PDE11A: variants seen among roughly 807,000 people sequenced by gnomAD.
PDE11A encodes dual 3',5'-cyclic-AMP and -GMP phosphodiesterase 11A.
In PDE11A, 100 loss-of-function variants were observed where a neutral mutation model predicts 100.5. That is an observed-to-expected ratio of 1.00 (90% CI 0.85 to 1.18). The LOEUF (loss-of-function observed/expected upper bound fraction) is 1.18. Ranked by LOEUF, PDE11A falls within the 50% of genes most tolerant of loss-of-function variation. The pLI, the probability that PDE11A is intolerant of heterozygous loss-of-function variation, is 0.00. For missense variants in PDE11A, 1,141 were observed against 1,152.6 expected (o/e 0.99, Z 0.15); for synonymous variants, 381 against 420.8 (o/e 0.91, Z 1.16).
At chr2:177,844,120 G>C (rs1027502297) in intron 5 of PDE11A, among the ~76,000 whole-genome samples, 1 of 152,324 alleles carries the variant, frequency 6.6e-6, no homozygotes, top group African/African-American at 2.4e-5. Flanking sequence ...TTACATCACT[G>C]TCTTAGTCCA....
chr2:177,801,929 G>C (rs2082800791), intron 9 of PDE11A, among the ~76,000 whole-genome samples: 1 of 152,004 alleles, frequency 6.6e-6, no homozygotes, highest in Non-Finnish European at 1.5e-5. Context: ...GAATAAGCAA[G>C]CTGCAAATTG....
At chr2:177,945,711 C>T (rs1423885511) in intron 2 of PDE11A, among the ~76,000 whole-genome samples, 1 of 152,134 alleles carries the variant, frequency 6.6e-6, no homozygotes, top group East Asian at 2.0e-4. Flanking sequence ...GGCAGCCACC[C>T]CGTCCGGGAG....
chr2:177,762,921 G>A (rs1370854521), intron 10 of PDE11A, among the ~76,000 whole-genome samples: 2 of 152,146 alleles, frequency 1.3e-5, no homozygotes, highest in Admixed American at 6.5e-5. Context: ...GGGAAGACGA[G>A]CCTGGGCTTG....
At chr2:178,076,837 T>C (rs994688721), upstream of PDE11A, among the ~76,000 whole-genome samples, 2 of 152,236 alleles carry the variant, frequency 1.3e-5, no homozygotes, top group African/African-American at 4.8e-5. Context: ...GCAGCTGGGA[T>C]GTGCTGGATG....
At chr2:178,014,539 A>G in intron 1 of PDE11A, 79 bp from the exon 2 acceptor site, 5 of 1,082,500 alleles carry the variant, frequency 4.6e-6, no homozygotes, top group Non-Finnish European at 2.8e-6. Flanking sequence ...ATTTCTGCAT[A>G]TGATACCTTA....
At chr2:177,809,016 G>C (rs1416504580) in intron 9 of PDE11A, among the ~76,000 whole-genome samples, 2 of 152,158 alleles carry the variant, frequency 1.3e-5, no homozygotes, top group African/African-American at 4.8e-5. Context: ...GTCACAAAAG[G>C]ACAAATATTG....
intron 16 of PDE11A, among the ~76,000 whole-genome samples, chr2:177,678,688 G>C (rs1002804173): frequency 6.6e-6 from 1 of 152,184 alleles, no homozygotes; most frequent in African/African-American, 2.4e-5. Context: ...GGGCAGATGA[G>C]GGGAGAGGGG....
At chr2:177,905,465 C>T (rs967464747) in intron 2 of PDE11A, among the ~76,000 whole-genome samples, 4 of 152,186 alleles carry the variant, frequency 2.6e-5, no homozygotes, top group African/African-American at 9.6e-5. Context: ...GACATAGGAA[C>T]TGTGTCTAAA....
chr2:177,897,383 C>T (rs1235556465), intron 4 of PDE11A, among the ~76,000 whole-genome samples: 3 of 152,174 alleles, frequency 2.0e-5, no homozygotes, highest in African/African-American at 7.2e-5. Flanking sequence ...AGGCTCTGAA[C>T]GAGATGTTTC....
At chr2:178,028,858 G>A (rs2086510937) in intron 1 of PDE11A, among the ~76,000 whole-genome samples, 1 of 152,166 alleles carries the variant, frequency 6.6e-6, no homozygotes, top group Non-Finnish European at 1.5e-5. Context: ...TTTCTGAGGT[G>A]TTCCAGTAAA....
At position 177,852,064 on chromosome 2, in the gene PDE11A, T is replaced by C. The variant is rs1370658; in HGVS notation, c.1368-11681A>G. ...AGCCCCTAGAGTCCAGAGTTCCCTATGTATATACCTAAGTACTTTCTGGGG... is the reference window on the plus strand; with the variant it reads ...AGCCCCTAGAGTCCAGAGTTCCCTACGTATATACCTAAGTACTTTCTGGGG... On this transcript the variant is annotated intron_variant, in intron 5 of 19. Coordinates refer to ENST00000286063, the MANE Select transcript of PDE11A (RefSeq NM_016953.4). Among the ~76,000 whole-genome samples, 1,102 of 152,266 alleles carry C rather than the reference T, an allele frequency of 7.2e-3. 13 individuals are homozygous for C. Among genetic ancestry groups the C allele is most frequent in the African/African-American group, 0.025 (1,026 of 41,548 alleles).
chr2:177,871,239 CG>C (rs374150879), intron 5 of PDE11A, among the ~76,000 whole-genome samples: 6 of 152,132 alleles, frequency 3.9e-5, no homozygotes, highest in African/African-American at 1.4e-4. Context: ...GGGGTACACT[CG>C]GGGTTGTTTA....
At position 178,014,413 on chromosome 2, in the gene PDE11A, T is replaced by C; in HGVS notation, c.960A>G (p.Thr320=). The part of the protein sequence containing the change: ...DEIDKLTGYK[T]KSLLCMPIRS... ...GGATAGGCATGCACAATAATGATTTTGTCTTGTATCCAGTTAGCTTGTCGA... is the reference window on the plus strand; with the variant it reads ...GGATAGGCATGCACAATAATGATTTCGTCTTGTATCCAGTTAGCTTGTCGA... The change falls in exon 2 of 20, where the codon ACA becomes ACG. Residue 320 remains threonine (T), a synonymous_variant. Transcript: ENST00000286063. The C allele has an allele frequency of 6.2e-7, 1 of 1,613,232 alleles. No individual in the cohort carries two copies. Among genetic ancestry groups the C allele is most frequent in the Non-Finnish European group, 8.5e-7 (1 of 1,179,212 alleles).
At chr2:177,794,285 G>A (rs999867541) in intron 9 of PDE11A, among the ~76,000 whole-genome samples, 1 of 152,146 alleles carries the variant, frequency 6.6e-6, no homozygotes, top group Non-Finnish European at 1.5e-5. Flanking sequence ...AGGGTGTAGG[G>A]TGCAAGTGCA....
At chr2:178,025,668 T>A (rs1397907473) in intron 1 of PDE11A, among the ~76,000 whole-genome samples, 1 of 152,200 alleles carries the variant, frequency 6.6e-6, no homozygotes, top group Non-Finnish European at 1.5e-5. Flanking sequence ...ACTGCTTTAA[T>A]AGACAGCCCA....
chr2:177,767,521 A>C (rs923026376), intron 10 of PDE11A, among the ~76,000 whole-genome samples: 1 of 152,216 alleles, frequency 6.6e-6, no homozygotes, highest in African/African-American at 2.4e-5. Flanking sequence ...ACATTACATT[A>C]GCATTTTAGC....
chr2:178,074,665 A>G (rs1226649382), upstream of PDE11A, among the ~76,000 whole-genome samples: 2 of 152,230 alleles, frequency 1.3e-5, no homozygotes, highest in Admixed American at 6.5e-5. Context: ...AAGAAGACCA[A>G]GACAAAAGCT....
intron 19 of PDE11A, among the ~76,000 whole-genome samples, chr2:177,650,862 A>T (rs1003855282): frequency 2.0e-5 from 3 of 152,176 alleles, no homozygotes; most frequent in Non-Finnish European, 2.9e-5. Flanking sequence ...TTATTCTAGT[A>T]TAAAAATAGC....
intron 2 of PDE11A, among the ~76,000 whole-genome samples, chr2:178,001,802 A>G (rs2105818259): frequency 6.6e-6 from 1 of 152,344 alleles, no homozygotes; most frequent in East Asian, 1.9e-4. Context: ...CATGAAGCTT[A>G]CTGAATAGAG....
Sources: allele counts gnomAD v4.1 joint callset (sites outside exome capture counted in the v4.1 genomes callset), GRCh38; gene constraint gnomAD v4.1.1; transcripts MANE v1.5; gene names NCBI Gene and HGNC (gene_info 2026-07-23, HGNC 2026-07-21).